The following CNNM1 variants were observed in gnomAD, a reference collection of about 807,000 sequenced individuals.
The protein encoded by CNNM1 is metal transporter CNNM1.
CNNM1 carries 44 observed loss-of-function variants against 78.8 expected under a neutral mutation model. The observed-to-expected ratio is 0.56, with a 90% confidence interval of 0.44 to 0.72. CNNM1 has a LOEUF of 0.72. CNNM1 is among the 30% of genes least tolerant of loss of function. CNNM1 has a pLI of 0.00. For missense variants in CNNM1, 1,101 were observed against 1,292.2 expected (o/e 0.85, Z 2.27); for synonymous variants, 584 against 581.5 (o/e 1.00, Z -0.06).
At chr10:99,331,944 G>A (rs1043248686) in intron 1 of CNNM1, among the ~76,000 whole-genome samples, 2 of 152,264 alleles carry the variant, frequency 1.3e-5, no homozygotes, top group South Asian at 2.1e-4. Flanking sequence ...CAAGCTTGAT[G>A]TCATGCTTAT....
chr10:99,390,506 C>T (rs1009075099), intron 10 of CNNM1, 99 bp downstream of exon 10: 5 of 823,134 alleles, frequency 6.1e-6, no homozygotes, highest in Admixed American at 2.1e-5. Context: ...GCCATGGACT[C>T]CTCTTAGAAA....
intron 8 of CNNM1, 60 bp from the exon 9 acceptor site, chr10:99,388,092 C>T: frequency 6.2e-7 from 1 of 1,602,958 alleles, no homozygotes; most frequent in Non-Finnish European, 8.5e-7. Context: ...AGGGCTCACA[C>T]CACCTGAGCC....
intron 1 of CNNM1, among the ~76,000 whole-genome samples, chr10:99,333,015 G>A (rs1447643730): frequency 3.3e-5 from 5 of 152,208 alleles, no homozygotes; most frequent in African/African-American, 1.2e-4. Context: ...GGGGCTAGCA[G>A]TCCAAGATCA....
At chr10:99,332,002 G>A (rs2029936424) in intron 1 of CNNM1, among the ~76,000 whole-genome samples, 2 of 152,122 alleles carry the variant, frequency 1.3e-5, no homozygotes, top group South Asian at 2.1e-4. Context: ...GTGCCTTCTG[G>A]TGACTACAAA....
intron 7 of CNNM1, 100 bp from the exon 8 acceptor site, chr10:99,387,720 C>T: frequency 8.1e-7 from 1 of 1,238,674 alleles, no homozygotes; most frequent in Non-Finnish European, 1.1e-6. Flanking sequence ...GCCGAGGGTT[C>T]CAAGCACCCC....
In CNNM1 at chr10:99,377,064, C is replaced by T. The variant is rs1263223639; in HGVS notation, c.2186C>T (p.Ser729Phe). ...CTCTCACCATCTGCAGTAAACCGGT[C>T]CCCTTCTCGCTGCAGTGGGTTGAAT... is the stretch of plus-strand genomic sequence containing the variant. ...LAGSSVFLNR[S>F]PSRCSGLNRS... Residue 729 changes from serine to phenylalanine, a missense_variant, in exon 7 of 11, where the codon TCC (serine) becomes TTC (phenylalanine). Transcript: ENST00000356713. The T allele has an allele frequency of 6.5e-7, 1 of 1,545,976 alleles. No individual in the cohort carries two copies.
Position 99,364,458 on chromosome 10 carries a change from T to C in CNNM1, c.2070T>C (p.Phe690=). The stretch of plus-strand genomic sequence containing the variant: ...AGGTTGGTAAGGAAGGCCTTCGCTT[T>C]GAAAATGGAGCCTTTACTTACTATG... ...EVEVGKEGLR[F]ENGAFTYYGV... is the part of the protein sequence containing the mutation. The change falls in exon 5 of 11, where the codon TTT becomes TTC. Residue 690 remains phenylalanine (F), a synonymous_variant. Coordinates refer to ENST00000356713, the MANE Select transcript of CNNM1 (RefSeq NM_020348.3). The C allele has an allele frequency of 6.2e-7, 1 of 1,612,878 alleles. No homozygotes were observed. Among genetic ancestry groups the C allele is most frequent in the Non-Finnish European group, 8.5e-7 (1 of 1,179,532 alleles).
At chr10:99,352,176 C>T (rs2030973850) in intron 1 of CNNM1, among the ~76,000 whole-genome samples, 1 of 152,166 alleles carries the variant, frequency 6.6e-6, no homozygotes, top group South Asian at 2.1e-4. Flanking sequence ...CTACTTCTTC[C>T]CCTGTAGATT....
chr10:99,372,693 G>C (rs2031841168), intron 6 of CNNM1, among the ~76,000 whole-genome samples: 1 of 151,988 alleles, frequency 6.6e-6, no homozygotes, highest in African/African-American at 2.4e-5. Context: ...CATGTCCCTT[G>C]CTCAGAAACC....
chr10:99,356,538 AAGACAGAC>A (rs199900201), intron 1 of CNNM1, among the ~76,000 whole-genome samples: 880 of 87,660 alleles, frequency 0.01, 9 homozygotes, highest in Middle Eastern at 0.046. Flanking sequence ...GAAAGAAAGA[AAGACAGAC>A]AGACAGACAG....
chr10:99,337,854 T>C (rs544457775), intron 1 of CNNM1, among the ~76,000 whole-genome samples: 1 of 152,358 alleles, frequency 6.6e-6, no homozygotes, highest in African/African-American at 2.4e-5. Flanking sequence ...TGCAGAGCAC[T>C]AGAAAATGAA....
intron 1 of CNNM1, among the ~76,000 whole-genome samples, chr10:99,340,471 A>T (rs968506862): frequency 6.6e-6 from 1 of 152,064 alleles, no homozygotes; most frequent in Non-Finnish European, 1.5e-5. Flanking sequence ...GCTCATCTCA[A>T]TTCGATTTTT....
chr10:99,377,384 T>G (rs768888996), intron 7 of CNNM1, 166 bp downstream of exon 7: 3 of 628,040 alleles, frequency 4.8e-6, no homozygotes, highest in Non-Finnish European at 8.2e-6. Context: ...AAGGCTGTTT[T>G]CAGTAAGCTT....
chr10:99,380,466 C>T, intron 7 of CNNM1, among the ~76,000 whole-genome samples: 1 of 152,102 alleles, frequency 6.6e-6, no homozygotes, highest in East Asian at 1.9e-4. Context: ...AAGATGATCA[C>T]CTAGCATTAG....
chr10:99,343,008 C>T (rs903396992), intron 1 of CNNM1, among the ~76,000 whole-genome samples: 5 of 151,942 alleles, frequency 3.3e-5, no homozygotes, highest in African/African-American at 1.2e-4. Flanking sequence ...TTTTGTCGCC[C>T]AGGCTGGAGT....
At chr10:99,337,283 C>T (rs1489363333) in intron 1 of CNNM1, among the ~76,000 whole-genome samples, 3 of 152,218 alleles carry the variant, frequency 2.0e-5, no homozygotes, top group African/African-American at 4.8e-5. Flanking sequence ...CTGCTTAAAA[C>T]CCTTCAGCAG....
At chr10:99,341,570 T>G (rs1409741842) in intron 1 of CNNM1, among the ~76,000 whole-genome samples, 13 of 152,078 alleles carry the variant, frequency 8.5e-5, no homozygotes, top group Admixed American at 8.5e-4. Flanking sequence ...GAGAAAACTT[T>G]TCTGAGAAAG....
chr10:99,391,652 C>G lies in CNNM1; in HGVS notation c.*136C>G. ...TGCCTTCCCTTCCATCTCTTCACCC[C>G]TAGCTGTCAGTTTGGCAGATTTTCC... On this transcript the variant is annotated 3_prime_UTR_variant, in exon 11 of 11. Coordinates refer to ENST00000356713, the MANE Select transcript of CNNM1 (RefSeq NM_020348.3). The G allele has an allele frequency of 1.4e-6, 1 of 707,236 alleles. No individual in the cohort carries two copies. Among genetic ancestry groups the G allele is most frequent in the Non-Finnish European group, 2.4e-6 (1 of 422,860 alleles). 43.8% of individuals were successfully genotyped at this position (707,236 alleles called of 1,614,324 possible). A position where few individuals can be genotyped will look rare whatever the true frequency, so the allele number is the denominator to read the frequency against.
At chr10:99,380,680 A>G (rs975251131) in intron 7 of CNNM1, among the ~76,000 whole-genome samples, 3 of 151,932 alleles carry the variant, frequency 2.0e-5, no homozygotes, top group Non-Finnish European at 4.4e-5. Context: ...AATCCCAGCT[A>G]CTCGGGAGGC....
Sources: gnomAD v4.1 joint callset for allele counts (sites outside exome capture counted in the v4.1 genomes callset) on GRCh38, gnomAD v4.1.1 for gene constraint, MANE v1.5 for transcripts, NCBI Gene and HGNC (gene_info 2026-07-23, HGNC 2026-07-21) for gene names.